C12orf42: variants seen among roughly 807,000 people sequenced by gnomAD.
The protein encoded by C12orf42 is uncharacterized protein C12orf42.
A neutral mutation model predicts 21.6 loss-of-function variants in C12orf42; 25 were observed. That is an observed-to-expected ratio of 1.16 (90% CI 0.84 to 1.62). The LOEUF is 1.62. C12orf42 is among the 40% of genes most tolerant of loss of function. The pLI is 0.00. For missense variants in C12orf42, 483 were observed against 459.3 expected (o/e 1.05, Z -0.47); for synonymous variants, 174 against 175.0 (o/e 0.99, Z 0.05).
chr12:103,116,114 C>A, the C12orf42 span, among the ~76,000 whole-genome samples: 4 of 152,118 alleles, frequency 2.6e-5, no homozygotes, highest in Admixed American at 2.6e-4. Flanking sequence ...GTAATCCCAG[C>A]ACTTTGGGAG....
the C12orf42 span, among the ~76,000 whole-genome samples, chr12:103,560,078 T>C: frequency 6.6e-6 from 1 of 152,352 alleles, no homozygotes; most frequent in Admixed American, 6.5e-5. Context: ...ATCTGCAGGC[T>C]AGACTGTAAA....
the C12orf42 span, chr12:103,557,266 A>C: frequency 6.6e-6 from 1 of 152,246 alleles, no homozygotes; most frequent in Non-Finnish European, 1.5e-5. Flanking sequence ...AAATATGTCC[A>C]AAAGCTTTTT....
chr12:103,109,453 G>A, the C12orf42 span, among the ~76,000 whole-genome samples: 4 of 152,066 alleles, frequency 2.6e-5, no homozygotes, highest in East Asian at 1.9e-4. Context: ...GGTGGTGTAC[G>A]GGAGAAACAC....
chr12:103,181,192 G>T, the C12orf42 span, among the ~76,000 whole-genome samples: 1 of 152,020 alleles, frequency 6.6e-6, no homozygotes, highest in Non-Finnish European at 1.5e-5. Context: ...AACCCAGGAG[G>T]CAGAGGTTGC....
chr12:103,531,930 T>C, the C12orf42 span, among the ~76,000 whole-genome samples: 1 of 152,228 alleles, frequency 6.6e-6, no homozygotes, highest in Admixed American at 6.5e-5. Context: ...ATTATGATCT[T>C]TGTTGGCTTT....
chr12:103,252,813 T>C (rs921515431), intron 10 of C12orf42, among the ~76,000 whole-genome samples: 1 of 152,322 alleles, frequency 6.6e-6, no homozygotes, highest in Non-Finnish European at 1.5e-5. Context: ...TTTATTTAGA[T>C]CCCATTTGTC....
chr12:103,442,340 CG>C (rs1383436651), intron 2 of C12orf42, among the ~76,000 whole-genome samples: 5 of 152,268 alleles, frequency 3.3e-5, no homozygotes, highest in Admixed American at 2.6e-4. Flanking sequence ...CACAATCTTA[CG>C]GGGATGACAG....
chr12:103,455,997 C>G (rs1476623964), intron 2 of C12orf42, among the ~76,000 whole-genome samples: 3 of 152,080 alleles, frequency 2.0e-5, no homozygotes, highest in Admixed American at 1.3e-4. Context: ...AACTTCATTA[C>G]TCATACATAG....
intron 3 of C12orf42, among the ~76,000 whole-genome samples, chr12:103,389,536 T>C (rs17568045): frequency 0.021 from 3,126 of 152,326 alleles, 62 homozygotes; most frequent in Non-Finnish European, 0.03. Flanking sequence ...GATGTCTTTC[T>C]TCTGAATTCT....
chr12:103,073,490 A>AATTTT, the C12orf42 span, among the ~76,000 whole-genome samples: 1 of 152,176 alleles, frequency 6.6e-6, no homozygotes, highest in Non-Finnish European at 1.5e-5. Flanking sequence ...GTGAGAGCTT[A>AATTTT]GCTATTATCA....
intron 2 of C12orf42, among the ~76,000 whole-genome samples, chr12:103,445,142 G>T (rs1466079919): frequency 2.6e-5 from 4 of 151,960 alleles, no homozygotes; most frequent in Non-Finnish European, 5.9e-5. Context: ...ATGTGAGTTT[G>T]TTCCTTATCA....
chr12:103,458,722 C>T (rs1952481987), intron 2 of C12orf42, among the ~76,000 whole-genome samples: 1 of 152,136 alleles, frequency 6.6e-6, no homozygotes, highest in Non-Finnish European at 1.5e-5. Context: ...CCACAGGGGC[C>T]TGGGTAACCA....
rs754760083 is a variant in C12orf42 at position 103,302,428 on chromosome 12, G to C, written c.763C>G (p.Gln255Glu). Reference protein sequence around the residue: ...EERMAVPAGAQAHPDDIQSRL... With the variant: ...EERMAVPAGAEAHPDDIQSRL... ...CTTTGGATGTCGTCGGGGTGTGCCT[G>C]AGCGCCTGCTGGGACTGCCATCCTC... Residue 255 changes from glutamine to glutamate, a missense_variant, in exon 6 of 6, where the codon CAG (glutamine) becomes GAG (glutamate). Transcript: ENST00000548883. 1 of 1,613,900 alleles carries C rather than the reference G, an allele frequency of 6.2e-7. No individual in the cohort carries two copies. Among genetic ancestry groups the C allele is most frequent in the Non-Finnish European group, 8.5e-7 (1 of 1,179,870 alleles).
Position 103,305,962 on chromosome 12 carries a change from C to G in C12orf42, c.631+12G>C. On this transcript the variant is annotated intron_variant, in intron 5 of 5. Transcript: ENST00000548883. ...AAACAAGAAGAGTCAGTAACCACAA[C>G]ATGATACTTACCAGAATTTTTCTTG... 1 of 1,594,840 alleles carries G rather than the reference C, an allele frequency of 6.3e-7. No homozygotes were observed. The highest frequency in any genetic ancestry group is 1.3e-5 in the African/African-American group (1 of 74,566).
the C12orf42 span, among the ~76,000 whole-genome samples, chr12:103,506,349 C>T: frequency 7.3e-6 from 1 of 136,066 alleles, no homozygotes. Flanking sequence ...AAAACCAGTG[C>T]AGTCACTGCG....
chr12:103,063,371 GTT>G, the C12orf42 span, among the ~76,000 whole-genome samples: 1 of 152,146 alleles, frequency 6.6e-6, no homozygotes, highest in Admixed American at 6.5e-5. Flanking sequence ...CTCACCAGGT[GTT>G]TAGTATTAAA....
At chr12:103,435,007 C>A (rs1271434630) in intron 2 of C12orf42, among the ~76,000 whole-genome samples, 2 of 152,166 alleles carry the variant, frequency 1.3e-5, no homozygotes, top group Non-Finnish European at 2.9e-5. Flanking sequence ...CCCTGTCTGA[C>A]AGCTTTGAAG....
chr12:103,261,246 G>A (rs763303376), intron 10 of C12orf42, among the ~76,000 whole-genome samples: 2 of 152,014 alleles, frequency 1.3e-5, no homozygotes, highest in Non-Finnish European at 2.9e-5. Flanking sequence ...CAAGGCAAGT[G>A]GATCCCTTGA....
chr12:103,489,283 C>A (rs1252673034), intron 1 of C12orf42, among the ~76,000 whole-genome samples: 1 of 152,242 alleles, frequency 6.6e-6, no homozygotes, highest in Non-Finnish European at 1.5e-5. Context: ...GCAGAGGCTG[C>A]AGAACAGCAA....
Sources: allele counts gnomAD v4.1 joint callset (sites outside exome capture counted in the v4.1 genomes callset), GRCh38; gene constraint gnomAD v4.1.1; transcripts MANE v1.5; gene names NCBI Gene and HGNC (gene_info 2026-07-23, HGNC 2026-07-21).